Variants in CTNNA2 observed in about 807,000 individuals in gnomAD.
CTNNA2 encodes catenin alpha-2.
CTNNA2 carries 42 observed loss-of-function variants against 101.0 expected under a neutral mutation model. The ratio of observed to expected loss-of-function variants is 0.42; its 90% CI spans 0.32 to 0.54. CTNNA2 has a LOEUF of 0.54. CTNNA2 is among the 20% of genes least tolerant of loss of function. The probability of loss-of-function intolerance (pLI) is 0.14; values close to 1 mark genes in which losing one functional copy is unlikely to be tolerated. For missense variants in CTNNA2, 871 were observed against 1,223.1 expected, an observed-to-expected ratio of 0.71 and a Z score of 4.29; for synonymous variants, 450 against 456.4, an observed-to-expected ratio of 0.99 and a Z score of 0.18.
intron 7 of CTNNA2, among the ~76,000 whole-genome samples, chr2:80,307,047 A>G (rs1366832287): frequency 6.8e-6 from 1 of 148,058 alleles, no homozygotes; most frequent in Admixed American, 6.8e-5. Flanking sequence ...TAAATAAATT[A>G]TATATATATA....
At chr2:79,897,473 A>G (rs534362921) in intron 6 of CTNNA2, among the ~76,000 whole-genome samples, 2 of 152,304 alleles carry the variant, frequency 1.3e-5, no homozygotes, top group African/African-American at 4.8e-5. Flanking sequence ...TTGATGTTTA[A>G]TATCTATAAC....
intron 7 of CTNNA2, among the ~76,000 whole-genome samples, chr2:80,098,526 T>C (rs1700326037): frequency 6.6e-6 from 1 of 152,190 alleles, no homozygotes; most frequent in Admixed American, 6.5e-5. Context: ...ACTACTCTCT[T>C]CAAAGCTGTC....
intron 3 of CTNNA2, among the ~76,000 whole-genome samples, chr2:79,828,665 G>C (rs934293155): frequency 6.6e-6 from 1 of 152,234 alleles, no homozygotes; most frequent in African/African-American, 2.4e-5. Flanking sequence ...TGAAGGAAAT[G>C]CAAGAGTCTG....
intron 7 of CTNNA2, among the ~76,000 whole-genome samples, chr2:80,075,051 T>C (rs1400977131): frequency 6.6e-6 from 1 of 152,248 alleles, no homozygotes; most frequent in Non-Finnish European, 1.5e-5. Context: ...CTGTTTTTTT[T>C]CTTTTTGTTG....
intron 15 of CTNNA2, among the ~76,000 whole-genome samples, chr2:80,592,843 C>T (rs1696631756): frequency 6.6e-6 from 1 of 152,098 alleles, no homozygotes; most frequent in Non-Finnish European, 1.5e-5. Context: ...TATACTGAGG[C>T]ATAGATTTTT....
intron 4 of CTNNA2, among the ~76,000 whole-genome samples, chr2:79,483,501 C>T (rs1671129435): frequency 6.6e-6 from 1 of 152,148 alleles, no homozygotes; most frequent in Admixed American, 6.5e-5. Context: ...TTTGAGCTCA[C>T]TCAGTAATTG....
At chr2:80,579,582 T>G (rs536596134) in intron 13 of CTNNA2, 1 of 152,306 alleles carries the variant, frequency 6.6e-6, no homozygotes, top group South Asian at 2.1e-4. Flanking sequence ...TAGCCCTGCT[T>G]TAGTTAATAA....
chr2:80,166,138 A>G (rs2148954108), intron 7 of CTNNA2, among the ~76,000 whole-genome samples: 1 of 152,158 alleles, frequency 6.6e-6, no homozygotes, highest in Non-Finnish European at 1.5e-5. Flanking sequence ...AACCTTTGAA[A>G]TTTTCTGAGT....
intron 3 of CTNNA2, among the ~76,000 whole-genome samples, chr2:79,807,935 T>A (rs1327255540): frequency 6.6e-6 from 1 of 152,154 alleles, no homozygotes. Context: ...TAACCTAAAC[T>A]TCCAAAATAG....
chr2:79,246,234 C>T (rs1237480157), intron 2 of CTNNA2, among the ~76,000 whole-genome samples: 1 of 152,132 alleles, frequency 6.6e-6, no homozygotes. Context: ...AAGACGGTCT[C>T]TCAAATTTCT....
At chr2:80,534,557 C>A (rs1690825413) in intron 9 of CTNNA2, among the ~76,000 whole-genome samples, 1 of 152,160 alleles carries the variant, frequency 6.6e-6, no homozygotes, top group Non-Finnish European at 1.5e-5. Context: ...AGTAGGGATT[C>A]TGTCCTGCAA....
At chr2:80,577,704 T>TG (rs139949033) in intron 13 of CTNNA2, among the ~76,000 whole-genome samples, 8 of 151,728 alleles carry the variant, frequency 5.3e-5, no homozygotes, top group Admixed American at 1.3e-4. Context: ...TTGTTGTTGT[T>TG]TTGTTTTTAC....
intron 2 of CTNNA2, among the ~76,000 whole-genome samples, chr2:79,684,032 C>T (rs1573669966): frequency 6.6e-6 from 1 of 152,236 alleles, no homozygotes; most frequent in Middle Eastern, 3.4e-3. Context: ...AGGGGGCAGT[C>T]TGAACCCAGG....
chr2:79,392,899 A>G (rs963454228), intron 4 of CTNNA2, among the ~76,000 whole-genome samples: 10 of 152,222 alleles, frequency 6.6e-5, no homozygotes, highest in Non-Finnish European at 1.5e-5. Context: ...GTTAAATGGC[A>G]TTTCGTGGAA....
At position 80,356,072 on chromosome 2, in the gene CTNNA2, C is replaced by T. The variant is rs116933401; in HGVS notation, c.1057-37139C>T. On this transcript the variant is annotated intron_variant, in intron 7 of 18. Transcript: ENST00000402739. ...TATATAATAGTTTGGCCCTTTTTGG[C>T]TTTTGTTTCACTTTGTTTCTTTTCT... Among the ~76,000 whole-genome samples, 40 of 152,166 alleles carry T rather than the reference C, an allele frequency of 2.6e-4. No homozygotes were observed. In the East Asian group the frequency reaches 7.0e-3, roughly 26 times the overall value.
At chr2:79,664,938 C>T (rs1558816525) in intron 2 of CTNNA2, among the ~76,000 whole-genome samples, 1 of 152,026 alleles carries the variant, frequency 6.6e-6, no homozygotes, top group Non-Finnish European at 1.5e-5. Flanking sequence ...GTCTCGATCT[C>T]CTGACCTCGT....
At chr2:80,062,519 G>A (rs1697668816) in intron 7 of CTNNA2, among the ~76,000 whole-genome samples, 1 of 152,032 alleles carries the variant, frequency 6.6e-6, no homozygotes, top group Non-Finnish European at 1.5e-5. Flanking sequence ...AATGCTCCTG[G>A]GTAATACATT....
At chr2:79,304,471 G>T (rs73938171) in intron 2 of CTNNA2, among the ~76,000 whole-genome samples, 1 of 151,298 alleles carries the variant, frequency 6.6e-6, no homozygotes. Flanking sequence ...AATTTCCAAG[G>T]CTCACCCAGG....
At chr2:79,256,649 A>G (rs1674847789) in intron 2 of CTNNA2, among the ~76,000 whole-genome samples, 1 of 152,150 alleles carries the variant, frequency 6.6e-6, no homozygotes, top group African/African-American at 2.4e-5. Flanking sequence ...CTCATCCACT[A>G]CTTGCTCAAG....
Sources: gnomAD v4.1 joint callset for allele counts (sites outside exome capture counted in the v4.1 genomes callset) on GRCh38, gnomAD v4.1.1 for gene constraint, MANE v1.5 for transcripts, NCBI Gene and HGNC (gene_info 2026-07-23, HGNC 2026-07-21) for gene names.